The following ASB3 variants were observed in gnomAD, a reference collection of about 807,000 sequenced individuals.
ASB3 encodes the protein ankyrin repeat and SOCS box protein 3.
In ASB3, 41 loss-of-function variants were observed where a neutral mutation model predicts 54.5. The observed-to-expected ratio is 0.75, with a 90% CI of 0.59 to 0.98. ASB3 has a LOEUF of 0.98. Ranked by LOEUF, ASB3 falls within the 50% of genes least tolerant of loss-of-function variation. The pLI, the probability that ASB3 is intolerant of heterozygous loss-of-function variation, is 0.00. For missense variants in ASB3, 733 were observed against 620.0 expected, an observed-to-expected ratio of 1.18 and a Z score of -1.94; for synonymous variants, 266 against 221.2, an observed-to-expected ratio of 1.20 and a Z score of -1.80.
At position 53,670,640 on chromosome 2, in the gene ASB3, G is replaced by C; in HGVS notation, c.1420C>G (p.Leu474Val). 2 of 1,613,988 alleles carry C rather than the reference G, an allele frequency of 1.2e-6. No homozygotes were observed. Among genetic ancestry groups the C allele is most frequent in the Non-Finnish European group, 1.7e-6 (2 of 1,179,968 alleles). ...TCAGACCGTAGACGTTCTGATTTTAGACTGGACCGAATTTCCAAACGACAA... is the reference window on the plus strand; with the variant it reads ...TCAGACCGTAGACGTTCTGATTTTACACTGGACCGAATTTCCAAACGACAA... ...HLCRLEIRSS[L>V]KSERLRSDSY... The change falls in exon 10 of 10, where the codon CTA becomes GTA. Residue 474 changes from leucine to valine, a missense_variant. Coordinates refer to ENST00000263634, the MANE Select transcript of ASB3 (RefSeq NM_016115.5).
intron 3 of ASB3, among the ~76,000 whole-genome samples, chr2:53,735,215 C>T (rs558895455): frequency 2.6e-4 from 40 of 152,094 alleles, no homozygotes; most frequent in Admixed American, 1.7e-3. Flanking sequence ...CCACCACGCC[C>T]GGCCTATACA....
chr2:53,697,790 T>C (rs565762836), intron 8 of ASB3, among the ~76,000 whole-genome samples: 1 of 152,196 alleles, frequency 6.6e-6, no homozygotes, highest in Non-Finnish European at 1.5e-5. Context: ...CAGGGCTTCC[T>C]GGATAAACTG....
intron 1 of ASB3, among the ~76,000 whole-genome samples, chr2:53,785,662 G>T (rs1674924667): frequency 6.6e-6 from 1 of 152,188 alleles, no homozygotes; most frequent in African/African-American, 2.4e-5. Flanking sequence ...GGCCAACGTG[G>T]TGAAACCCTG....
At chr2:53,742,003 G>T (rs1182338775) in intron 3 of ASB3, among the ~76,000 whole-genome samples, 1 of 152,120 alleles carries the variant, frequency 6.6e-6, no homozygotes, top group Non-Finnish European at 1.5e-5. Flanking sequence ...CTTCTCAAAG[G>T]TCAGGGGCTC....
chr2:53,695,154 A>G (rs1669119045), intron 8 of ASB3, among the ~76,000 whole-genome samples: 2 of 152,154 alleles, frequency 1.3e-5, no homozygotes, highest in South Asian at 2.1e-4. Context: ...AGGAAATACA[A>G]GGAAAGAAGA....
rs1667738703 is a variant in ASB3, at chr2:53,670,023, T to C, written c.*480A>G. The C allele has an allele frequency of 6.7e-6, 1 of 150,004 alleles. No individual in the cohort carries two copies. The highest frequency in any genetic ancestry group is 2.1e-4 in the South Asian group (1 of 4,744). The allele number at this position is 150,004 out of a possible 1,614,324, so 9.3% of individuals were successfully genotyped here. A position where few individuals can be genotyped will look rare whatever the true frequency, so the allele number is the denominator to read the frequency against. On this transcript the variant is annotated 3_prime_UTR_variant, in exon 10 of 10. Transcript: ENST00000263634. ...AATAAACATAAGAGATAGTCAAGTCTAAATAAAATAATAATGATAATAATA... is the reference window on the plus strand; with the variant it reads ...AATAAACATAAGAGATAGTCAAGTCCAAATAAAATAATAATGATAATAATA...
intron 1 of ASB3, among the ~76,000 whole-genome samples, chr2:53,773,106 C>T (rs1008466839): frequency 2.6e-5 from 4 of 152,040 alleles, no homozygotes; most frequent in Non-Finnish European, 5.9e-5. Flanking sequence ...TTAGGAAATG[C>T]TTTCATAATT....
rs1291549615 is a variant in ASB3, at chr2:53,670,722, T to C, written c.1370-32A>G. 10 of 1,585,232 alleles carry C rather than the reference T, an allele frequency of 6.3e-6. No individual in the cohort carries two copies. In the South Asian group the frequency reaches 1.0e-4, roughly 16 times the overall value. On this transcript the variant is annotated intron_variant, in intron 9 of 9. Coordinates refer to ENST00000263634, the MANE Select transcript of ASB3 (RefSeq NM_016115.5). ...AAACAAAAAAAGCAAGGTGAAACTT[T>C]TTTAAACAGAAAGATGTAATAGCAC...
chr2:53,692,541 A>G (rs1196252629), intron 9 of ASB3, among the ~76,000 whole-genome samples: 1 of 152,176 alleles, frequency 6.6e-6, no homozygotes, highest in Middle Eastern at 3.2e-3. Flanking sequence ...TCTACCTAGT[A>G]CTTAATTAAA....
chr2:53,697,129 T>A (rs1669225677), intron 8 of ASB3, among the ~76,000 whole-genome samples: 1 of 152,168 alleles, frequency 6.6e-6, no homozygotes, highest in Non-Finnish European at 1.5e-5. Flanking sequence ...CCTCTGGTCA[T>A]CCTCATTGTT....
At chr2:53,715,562 C>A (rs941197931) in intron 6 of ASB3, among the ~76,000 whole-genome samples, 6 of 152,050 alleles carry the variant, frequency 3.9e-5, no homozygotes, top group Non-Finnish European at 8.8e-5. Context: ...GTTCAGAGTA[C>A]AATATCTAAC....
intron 1 of ASB3, among the ~76,000 whole-genome samples, chr2:53,785,449 T>G (rs1674902412): frequency 6.6e-6 from 1 of 151,178 alleles, no homozygotes. Flanking sequence ...AAAAAAAAAT[T>G]GACTATTACT....
At chr2:53,719,144 T>G (rs531100006) in intron 5 of ASB3, among the ~76,000 whole-genome samples, 36 of 152,222 alleles carry the variant, frequency 2.4e-4, no homozygotes, top group Non-Finnish European at 4.4e-4. Context: ...AGGATGGTCT[T>G]GATCTCTTGA....
At chr2:53,734,067 G>C (rs1290643627) in intron 3 of ASB3, among the ~76,000 whole-genome samples, 2 of 152,186 alleles carry the variant, frequency 1.3e-5, no homozygotes, top group African/African-American at 2.4e-5. Context: ...TTCCGCCCTG[G>C]GTGGGCCAGG....
intron 7 of ASB3, among the ~76,000 whole-genome samples, chr2:53,703,615 A>C (rs934749055): frequency 6.6e-6 from 1 of 152,192 alleles, no homozygotes; most frequent in Non-Finnish European, 1.5e-5. Context: ...ACAAGAATAA[A>C]GAAAATCCAA....
At chr2:53,751,407 T>C (rs1672504011) in intron 2 of ASB3, among the ~76,000 whole-genome samples, 1 of 152,190 alleles carries the variant, frequency 6.6e-6, no homozygotes, top group Non-Finnish European at 1.5e-5. Context: ...ATACTCCTTT[T>C]CTAACTTAAG....
At chr2:53,738,562 C>T (rs1458870229) in intron 3 of ASB3, among the ~76,000 whole-genome samples, 1 of 152,112 alleles carries the variant, frequency 6.6e-6, no homozygotes, top group Non-Finnish European at 1.5e-5. Context: ...AGGACAATTC[C>T]AAGTTCTATT....
chr2:53,734,308 AC>A (rs1404351954), intron 3 of ASB3, among the ~76,000 whole-genome samples: 1 of 152,194 alleles, frequency 6.6e-6, no homozygotes, highest in Non-Finnish European at 1.5e-5. Flanking sequence ...CCACTGTTCA[AC>A]CTGCAGACTA....
chr2:53,784,056 G>A (rs1441168726), intron 1 of ASB3, among the ~76,000 whole-genome samples: 1 of 152,236 alleles, frequency 6.6e-6, no homozygotes, highest in African/African-American at 2.4e-5. Context: ...CAAACATGGT[G>A]CCATTATTAG....
Sources: allele counts gnomAD v4.1 joint callset (sites outside exome capture counted in the v4.1 genomes callset), GRCh38; gene constraint gnomAD v4.1.1; transcripts MANE v1.5; gene names NCBI Gene and HGNC (gene_info 2026-07-23, HGNC 2026-07-21).